The following NRG1 variants were observed in gnomAD, a reference collection of about 807,000 sequenced individuals.
NRG1 encodes pro-neuregulin-1, membrane-bound isoform.
NRG1 carries 18 observed loss-of-function variants against 63.8 expected under a neutral mutation model. That is an observed-to-expected ratio of 0.28 (90% CI 0.19 to 0.42). NRG1 has a LOEUF of 0.42. Ranked by LOEUF, NRG1 falls within the 10% of genes least tolerant of loss-of-function variation. The pLI, the probability that NRG1 is intolerant of heterozygous loss-of-function variation, is 1.00. For missense variants in NRG1, 762 were observed against 814.7 expected, an observed-to-expected ratio of 0.94 and a Z score of 0.79; for synonymous variants, 302 against 301.3, an observed-to-expected ratio of 1.00 and a Z score of -0.02.
chr8:31,850,523 G>A (rs919797935), intron 1 of NRG1, among the ~76,000 whole-genome samples: 3 of 152,102 alleles, frequency 2.0e-5, no homozygotes, highest in South Asian at 2.1e-4. Context: ...CTACACAAAT[G>A]GATGTCTCTG....
At chr8:31,963,658 T>C (rs1175496855) in intron 1 of NRG1, among the ~76,000 whole-genome samples, 4 of 152,242 alleles carry the variant, frequency 2.6e-5, no homozygotes, top group Non-Finnish European at 4.4e-5. Context: ...TCTCTTTTCT[T>C]TGCCAAAGAA....
intron 5 of NRG1, among the ~76,000 whole-genome samples, chr8:32,644,332 C>A (rs1178998003): frequency 6.6e-6 from 1 of 152,168 alleles, no homozygotes; most frequent in Non-Finnish European, 1.5e-5. Flanking sequence ...TATATCCTTG[C>A]AGTTTTTCCT....
At chr8:32,246,773 A>G (rs975787328) in intron 1 of NRG1, among the ~76,000 whole-genome samples, 1 of 152,102 alleles carries the variant, frequency 6.6e-6, no homozygotes, top group African/African-American at 2.4e-5. Context: ...TAAAATAATC[A>G]CACTCGAAGC....
chr8:31,717,734 T>A (rs1041547381), intron 1 of NRG1, among the ~76,000 whole-genome samples: 2 of 152,196 alleles, frequency 1.3e-5, no homozygotes, highest in African/African-American at 4.8e-5. Flanking sequence ...GATGCCTTTT[T>A]TTTTGTCATT....
rs964052285 is a variant in NRG1 at position 32,372,302 on chromosome 8, AT to A, written c.38-223515del. Among the ~76,000 whole-genome samples, 455 of 147,694 alleles carry A rather than the reference AT, an allele frequency of 3.1e-3. 2 individuals carry two copies. Among genetic ancestry groups the A allele is most frequent in the African/African-American group, 6.8e-3 (273 of 40,428 alleles). The stretch of plus-strand genomic sequence containing the variant: ...AGTGTGCCCAGCGCTGTTTACTGAA[AT>A]TTTTTTTTTTATGATTCTGACTATA... On this transcript the variant is annotated intron_variant, in intron 1 of 10. Coordinates refer to the NRG1 transcript ENST00000519301.
intron 1 of NRG1, among the ~76,000 whole-genome samples, chr8:31,720,628 G>T (rs566804062): frequency 1.2e-3 from 187 of 152,080 alleles, no homozygotes; most frequent in African/African-American, 4.0e-3. Context: ...CCGTTTTTTT[G>T]TTTGTTTGTT....
At chr8:32,608,092 G>GTTTTGT (rs1845594606) in intron 3 of NRG1, among the ~76,000 whole-genome samples, 6 of 106,156 alleles carry the variant, frequency 5.7e-5, no homozygotes, top group Admixed American at 9.5e-5. Context: ...GGTTTTTTTT[G>GTTTTGT]TTTTTTTTTT....
chr8:31,700,523 G>A (rs1435305066), intron 1 of NRG1, among the ~76,000 whole-genome samples: 1 of 152,062 alleles, frequency 6.6e-6, no homozygotes, highest in African/African-American at 2.4e-5. Flanking sequence ...GCATGAATAT[G>A]CCCACATAAT....
At chr8:32,182,510 G>A (rs377129910) in intron 1 of NRG1, among the ~76,000 whole-genome samples, 1 of 152,282 alleles carries the variant, frequency 6.6e-6, no homozygotes, top group African/African-American at 2.4e-5. Context: ...GCCTCCCAAA[G>A]TGCTGGGATT....
intron 2 of NRG1, among the ~76,000 whole-genome samples, chr8:32,602,124 T>A (rs1433123739): frequency 6.6e-6 from 1 of 152,184 alleles, no homozygotes; most frequent in East Asian, 1.9e-4. Flanking sequence ...AAAGATTCCA[T>A]GGCCACATGT....
intron 1 of NRG1, among the ~76,000 whole-genome samples, chr8:31,750,276 G>A (rs1004423111): frequency 6.6e-6 from 1 of 151,918 alleles, no homozygotes; most frequent in African/African-American, 2.4e-5. Flanking sequence ...AGGGGACTGT[G>A]CTAGCAGAGA....
chr8:32,370,779 G>C (rs1808708930), intron 1 of NRG1, among the ~76,000 whole-genome samples: 1 of 130,502 alleles, frequency 7.7e-6, no homozygotes, highest in Non-Finnish European at 1.6e-5. Context: ...AATTGCTTGA[G>C]ACTGGGAAGT....
chr8:32,753,990 GA>G (rs1230361552), intron 7 of NRG1, among the ~76,000 whole-genome samples: 1 of 151,688 alleles, frequency 6.6e-6, no homozygotes, highest in Non-Finnish European at 1.5e-5. Flanking sequence ...GTCTTTGCAA[GA>G]GCTTTTTATA....
At chr8:32,731,376 ATTCTTGCCTTCTAGTTC>A (rs2129019697) in intron 6 of NRG1, among the ~76,000 whole-genome samples, 1 of 151,696 alleles carries the variant, frequency 6.6e-6, no homozygotes, top group Admixed American at 6.6e-5. Flanking sequence ...CTAGTGGATC[ATTCTTGCCTTCTAGTTC>A]TAAGAAATTA....
At position 31,640,190 on chromosome 8, in the gene NRG1, TG is replaced by T. The variant is rs2130821260; in HGVS notation, c.37+762del. The T allele has an allele frequency of 8.4e-7, 1 of 1,184,210 alleles. No homozygotes were observed. The highest frequency in any genetic ancestry group is 1.0e-6 in the Non-Finnish European group (1 of 956,708). The allele number at this position is 1,184,210 out of a possible 1,614,324, so 73.4% of individuals were successfully genotyped here. A position where few individuals can be genotyped will look rare whatever the true frequency, so the allele number is the denominator to read the frequency against. On this transcript the variant is annotated intron_variant, in intron 1 of 10. Coordinates refer to the NRG1 transcript ENST00000519301. This position sits in a 1 kb window ranked among gnomAD's most constrained non-coding sequence, Gnocchi z 6.3. ...GTGTGCTACTCGTCCCCGCCCAGCG[TG>T]GGATCGGTGCAGGAGCTAGCTCAGC... is the stretch of plus-strand genomic sequence containing the variant.
intron 5 of NRG1, among the ~76,000 whole-genome samples, chr8:32,713,715 T>C (rs1342287655): frequency 6.8e-6 from 1 of 147,058 alleles, no homozygotes; most frequent in African/African-American, 2.5e-5. Context: ...TATAATAATA[T>C]ATTTATGTTA....
At position 32,693,317 on chromosome 8, in the gene NRG1, C is replaced by T. The variant is rs113481664; in HGVS notation, c.503-34632C>T. On this transcript the variant is annotated intron_variant, in intron 5 of 11. Transcript: ENST00000356819. ...CACTGCAACCTCCGCCTTCTGGGTT[C>T]ACGCCATTCTCCTGCGTCAGCCTCC... 1.9e-4 allele frequency among the ~76,000 whole-genome samples: 29 copies of T among 151,324 alleles called. 1 individual carries two copies. Among genetic ancestry groups the T allele is most frequent in the African/African-American group, 6.8e-4 (28 of 41,192 alleles).
chr8:31,882,022 G>C (rs1050259412), intron 1 of NRG1, among the ~76,000 whole-genome samples: 1 of 152,152 alleles, frequency 6.6e-6, no homozygotes, highest in Non-Finnish European at 1.5e-5. Flanking sequence ...GAGATTTTCA[G>C]TGTTGACAAA....
chr8:32,657,673 T>G (rs185227589), intron 5 of NRG1, among the ~76,000 whole-genome samples: 63 of 152,352 alleles, frequency 4.1e-4, no homozygotes, highest in Admixed American at 3.5e-3. Flanking sequence ...GATAGTAGAA[T>G]TGAACTCTTG....
Sources: gnomAD v4.1 joint callset for allele counts (sites outside exome capture counted in the v4.1 genomes callset) on GRCh38, gnomAD v4.1.1 for gene constraint, Gnocchi (gnomAD v3.1) non-coding constraint, MANE v1.5 for transcripts, NCBI Gene and HGNC (gene_info 2026-07-23, HGNC 2026-07-21) for gene names.